Variants in WASF3 observed in about 807,000 individuals in gnomAD.
WASF3 encodes actin-binding protein WASF3.
Under a neutral mutation model 46.6 loss-of-function variants are expected in WASF3, and 11 were observed. The ratio of observed to expected loss-of-function variants is 0.24; its 90% confidence interval spans 0.15 to 0.39. WASF3 has a LOEUF of 0.39. Among genes scored for constraint, WASF3 ranks in the 10% least tolerant of loss-of-function variants. The pLI, the probability that WASF3 is intolerant of heterozygous loss-of-function variation, is 1.00. For missense variants in WASF3, 576 were observed against 669.8 expected (o/e 0.86, Z 1.55); for synonymous variants, 242 against 259.7 (o/e 0.93, Z 0.65).
chr13:26,650,651 C>T (rs1882286610), intron 3 of WASF3, among the ~76,000 whole-genome samples: 1 of 152,024 alleles, frequency 6.6e-6, no homozygotes. Context: ...AAAAGATGAA[C>T]AACGTGTGAG....
At chr13:26,590,260 A>G (rs1880251649) in intron 1 of WASF3, among the ~76,000 whole-genome samples, 1 of 152,204 alleles carries the variant, frequency 6.6e-6, no homozygotes, top group Non-Finnish European at 1.5e-5. Context: ...CACAGAGAAA[A>G]AAGTAAAATT....
At chr13:26,570,284 G>A (rs1302594884) in intron 1 of WASF3, among the ~76,000 whole-genome samples, 7 of 152,014 alleles carry the variant, frequency 4.6e-5, no homozygotes, top group African/African-American at 1.5e-4. Context: ...GCAAAACTGC[G>A]TCTCAAAAAA....
At chr13:26,571,459 A>C (rs865907872) in intron 1 of WASF3, among the ~76,000 whole-genome samples, 118 of 152,268 alleles carry the variant, frequency 7.7e-4, no homozygotes, top group African/African-American at 2.6e-3. Context: ...TCTTCTTCTG[A>C]ATAGTGATTG....
At chr13:26,577,128 T>C in intron 1 of WASF3, 1 of 782,530 alleles carries the variant, frequency 1.3e-6, no homozygotes, top group East Asian at 2.4e-5. Flanking sequence ...AGATTGCATT[T>C]AGAAAATTCA....
intron 1 of WASF3, among the ~76,000 whole-genome samples, chr13:26,569,485 G>T (rs533870172): frequency 6.6e-6 from 1 of 152,100 alleles, no homozygotes; most frequent in Non-Finnish European, 1.5e-5. Context: ...GTGAGAATTA[G>T]AAAATTTTAC....
At chr13:26,543,955 TA>T in the WASF3 span, among the ~76,000 whole-genome samples, 1 of 152,134 alleles carries the variant, frequency 6.6e-6, no homozygotes, top group South Asian at 2.1e-4. Context: ...GCTCGTTCCT[TA>T]AAAAAATCCT....
chr13:26,553,985 TTC>T (rs1239305426), upstream of WASF3, among the ~76,000 whole-genome samples: 1 of 151,880 alleles, frequency 6.6e-6, no homozygotes, highest in Admixed American at 6.6e-5. Context: ...CCAAAACTTT[TTC>T]TTTTCTTTTC....
chr13:26,671,432 T>A (rs1882921680), intron 5 of WASF3, among the ~76,000 whole-genome samples: 1 of 152,208 alleles, frequency 6.6e-6, no homozygotes, highest in Non-Finnish European at 1.5e-5. Context: ...GAAAAAGAGA[T>A]AAGAGTACTT....
At chr13:26,608,094 T>G (rs116986953) in intron 1 of WASF3, among the ~76,000 whole-genome samples, 4,510 of 142,586 alleles carry the variant, frequency 0.032, 95 homozygotes, top group South Asian at 0.05. Context: ...TTGAATGAAT[T>G]GAAGAGTGGT....
intron 2 of WASF3, among the ~76,000 whole-genome samples, chr13:26,634,033 C>T (rs930400766): frequency 2.0e-5 from 3 of 152,132 alleles, no homozygotes; most frequent in African/African-American, 7.2e-5. Context: ...GAGTTGAAGT[C>T]CTGGATATCC....
chr13:26,613,128 A>G (rs867554795), intron 2 of WASF3, 70 bp downstream of exon 2: 9 of 151,324 alleles, frequency 5.9e-5, no homozygotes, highest in African/African-American at 2.2e-4. Flanking sequence ...TTTAATTAGA[A>G]ATAGAAATAG....
chr13:26,541,237 A>G, the WASF3 span, among the ~76,000 whole-genome samples: 1 of 152,148 alleles, frequency 6.6e-6, no homozygotes, highest in Non-Finnish European at 1.5e-5. Context: ...TTTAGCAGCT[A>G]GAGGCTGCAG....
intron 2 of WASF3, among the ~76,000 whole-genome samples, chr13:26,628,054 G>T (rs1356205994): frequency 1.5e-5 from 1 of 68,938 alleles, no homozygotes; most frequent in African/African-American, 6.6e-5. Context: ...GCCCGTACAT[G>T]GAAATGTGTT....
chr13:26,670,475 C>A (rs1446065183), intron 5 of WASF3, among the ~76,000 whole-genome samples: 1 of 152,060 alleles, frequency 6.6e-6, no homozygotes, highest in African/African-American at 2.4e-5. Context: ...AAACATGTAT[C>A]CCAGAACTTA....
intron 7 of WASF3, among the ~76,000 whole-genome samples, chr13:26,677,803 G>A (rs187420429): frequency 6.5e-4 from 99 of 152,258 alleles, no homozygotes; most frequent in Admixed American, 1.3e-3. Context: ...TCTTTGGGTG[G>A]GGAGGAATGT....
chr13:26,666,274 T>C (rs1208354437), intron 4 of WASF3, among the ~76,000 whole-genome samples: 1 of 152,244 alleles, frequency 6.6e-6, no homozygotes, highest in East Asian at 1.9e-4. Flanking sequence ...CTATTCATCT[T>C]TCTTCAACTT....
At chr13:26,576,205 G>T (rs73491031) in intron 1 of WASF3, among the ~76,000 whole-genome samples, 3,104 of 151,890 alleles carry the variant, frequency 0.02, 117 homozygotes, top group African/African-American at 0.07. Context: ...TTTCCTCAAT[G>T]CCCTTTGTAA....
At chr13:26,576,257 T>G (rs1364438529) in intron 1 of WASF3, among the ~76,000 whole-genome samples, 7 of 152,158 alleles carry the variant, frequency 4.6e-5, no homozygotes, top group African/African-American at 1.7e-4. Flanking sequence ...GACATCTTAA[T>G]TCCTTCTCTA....
Position 26,597,484 on chromosome 13 carries a change from CT to C in WASF3, c.-108-15467del, listed in dbSNP as rs752075676. On this transcript the variant is annotated intron_variant, in intron 1 of 9. Coordinates refer to ENST00000335327, the MANE Select transcript of WASF3 (RefSeq NM_006646.6). ...GTTGTTGTTGTTTTTACGTTTTAGTCTTTTTTTTTTATTATACTTTAAGTTT... is the reference window on the plus strand; with the variant it reads ...GTTGTTGTTGTTTTTACGTTTTAGTCTTTTTTTTTATTATACTTTAAGTTT... 3.0e-3 allele frequency among the ~76,000 whole-genome samples: 444 copies of C among 149,032 alleles called. 3 individuals carry two copies. In the East Asian group the frequency reaches 0.038, roughly 13 times the overall value.
Sources: gnomAD v4.1 joint callset for allele counts (sites outside exome capture counted in the v4.1 genomes callset) on GRCh38, gnomAD v4.1.1 for gene constraint, MANE v1.5 for transcripts, NCBI Gene and HGNC (gene_info 2026-07-23, HGNC 2026-07-21) for gene names.